KIAA0513: variants seen among roughly 807,000 people sequenced by gnomAD.
KIAA0513 encodes KIAA0513.
KIAA0513 carries 39 observed loss-of-function variants against 56.5 expected under a neutral mutation model. The ratio of observed to expected loss-of-function variants is 0.69; its 90% CI spans 0.53 to 0.90. The LOEUF is 0.90. Among genes scored for constraint, KIAA0513 ranks in the 40% least tolerant of loss-of-function variants. The pLI, the probability that KIAA0513 is intolerant of heterozygous loss-of-function variation, is 0.00. For synonymous variants in KIAA0513, 268 were observed against 215.6 expected, an observed-to-expected ratio of 1.24 and a Z score of -2.13; for missense variants, 591 against 535.2, an observed-to-expected ratio of 1.10 and a Z score of -1.03.
chr16:85,074,945 G>A (rs541766866), intron 4 of KIAA0513, among the ~76,000 whole-genome samples: 9 of 151,600 alleles, frequency 5.9e-5, no homozygotes, highest in Admixed American at 4.6e-4. Flanking sequence ...TATAAGTAAC[G>A]TTGGGGAGGG....
chr16:85,070,355 T>C (rs748704635), intron 2 of KIAA0513, among the ~76,000 whole-genome samples: 5 of 152,100 alleles, frequency 3.3e-5, no homozygotes, highest in Non-Finnish European at 5.9e-5. Flanking sequence ...AGAACCGTTA[T>C]ATGATAATCC....
At chr16:85,075,788 T>A in intron 4 of KIAA0513, 56 bp from the exon 5 acceptor site, 1 of 1,531,878 alleles carries the variant, frequency 6.5e-7, no homozygotes, top group Non-Finnish European at 9.0e-7. Context: ...CTGACCGACT[T>A]GCAGGAAGAA....
chr16:85,037,140 G>A (rs2073046242), intron 1 of KIAA0513, among the ~76,000 whole-genome samples: 1 of 152,110 alleles, frequency 6.6e-6, no homozygotes, highest in Non-Finnish European at 1.5e-5. Flanking sequence ...GCGCCTGGCA[G>A]ACCATCTTCT....
At chr16:85,084,263 G>C (rs1281345116) in intron 10 of KIAA0513, among the ~76,000 whole-genome samples, 1 of 96,230 alleles carries the variant, frequency 1.0e-5, no homozygotes, top group Non-Finnish European at 2.1e-5. Flanking sequence ...TTTTTTTTTT[G>C]AGACAGACTT....
chr16:85,068,575 G>A (rs143755732), intron 2 of KIAA0513, among the ~76,000 whole-genome samples: 2,877 of 150,620 alleles, frequency 0.019, 95 homozygotes, highest in African/African-American at 0.066. Context: ...CTCATGATCC[G>A]CCTGCCTTAG....
At chr16:85,084,427 C>T (rs1182028547) in intron 10 of KIAA0513, among the ~76,000 whole-genome samples, 11 of 93,768 alleles carry the variant, frequency 1.2e-4, no homozygotes, top group Admixed American at 2.6e-4. Context: ...TCTTTTCGTT[C>T]TCTTTTTTTT....
intron 10 of KIAA0513, among the ~76,000 whole-genome samples, chr16:85,085,871 C>T (rs1020090291): frequency 6.6e-6 from 1 of 152,254 alleles, no homozygotes; most frequent in Admixed American, 6.5e-5. Flanking sequence ...TGCCGTCTTA[C>T]TGGGTTTTCA....
chr16:85,043,537 G>T (rs537594256), intron 1 of KIAA0513, among the ~76,000 whole-genome samples: 5 of 148,930 alleles, frequency 3.4e-5, no homozygotes, highest in Non-Finnish European at 7.4e-5. Context: ...ACAGCCTCTT[G>T]AGTAGCTGGG....
At chr16:85,082,139 TG>T (rs1054933457) in intron 9 of KIAA0513, among the ~76,000 whole-genome samples, 10 of 152,170 alleles carry the variant, frequency 6.6e-5, no homozygotes, top group African/African-American at 2.2e-4. Context: ...TGGCTGCTGT[TG>T]GGGGGAAGAC....
Position 85,081,921 on chromosome 16 carries a change from G to A in KIAA0513, c.980+529G>A, listed in dbSNP as rs1408312850. Among the ~76,000 whole-genome samples, 5 of 152,234 alleles carry A rather than the reference G, an allele frequency of 3.3e-5. No homozygotes were observed. Among genetic ancestry groups the A allele is most frequent in the African/African-American group, 7.2e-5 (3 of 41,470 alleles). On this transcript the variant is annotated intron_variant, in intron 9 of 12. Transcript: ENST00000683363. This position sits in a 1 kb window ranked among gnomAD's most constrained non-coding sequence, Gnocchi z 4.4. ...AGGGGCTGGCACCCACCCCACGGGG[G>A]CCGATGCCATAGCAAGCAAAGCTGC...
At chr16:85,054,421 C>CTTTTTTTTTTTTTTTTTTTTT (rs398042273) in intron 1 of KIAA0513, among the ~76,000 whole-genome samples, 35 of 119,548 alleles carry the variant, frequency 2.9e-4, no homozygotes, top group South Asian at 5.5e-4. Flanking sequence ...TTTTTCTTTT[C>CTTTTTTTTTTTTTTTTTTTTT]TTTTTTTTTT....
At chr16:85,079,030 C>A in intron 8 of KIAA0513, 27 bp downstream of exon 8, 1 of 1,614,106 alleles carries the variant, frequency 6.2e-7, no homozygotes, top group African/African-American at 1.3e-5. Flanking sequence ...GGCTTCCCGT[C>A]ACCCTCTTAC....
intron 1 of KIAA0513, among the ~76,000 whole-genome samples, chr16:85,034,885 TC>T (rs1480543983): frequency 2.0e-5 from 3 of 152,170 alleles, no homozygotes; most frequent in Non-Finnish European, 4.4e-5. Context: ...GCAGCCCATC[TC>T]TGGACCTGGG....
At chr16:85,065,840 C>G (rs2073473403) in intron 1 of KIAA0513, among the ~76,000 whole-genome samples, 1 of 152,222 alleles carries the variant, frequency 6.6e-6, no homozygotes, top group Non-Finnish European at 1.5e-5. Flanking sequence ...AACCAGCAGT[C>G]AGGAGACCTG....
Position 85,078,412 on chromosome 16 carries a change from CAG to C in KIAA0513, c.783-2_783-1del. On this transcript the variant is annotated splice_acceptor_variant, in intron 6 of 12. Transcript: ENST00000683363. The stretch of plus-strand genomic sequence containing the variant: ...TGTCATCATTGTGCCTTCTCTCCCT[CAG>C]GGAAGACGAGAACAAACCCCAGGAG... 3.1e-6 allele frequency: 5 copies of C among 1,614,024 alleles called. No homozygotes were observed. Among genetic ancestry groups the C allele is most frequent in the Non-Finnish European group, 4.2e-6 (5 of 1,180,004 alleles).
At chr16:85,067,487 AG>A in intron 2 of KIAA0513, 87 bp downstream of exon 2, 1 of 1,095,384 alleles carries the variant, frequency 9.1e-7, no homozygotes, top group Non-Finnish European at 1.3e-6. Flanking sequence ...GCCTCTCCCC[AG>A]GGTGCCACCT....
In KIAA0513 at chr16:85,067,368, G is replaced by A; in HGVS notation, c.297G>A (p.Met99Ile). Residue 99 changes from methionine (M) to isoleucine (I), a missense_variant, in exon 2 of 13, where the codon ATG becomes ATA. Coordinates refer to ENST00000683363, the MANE Select transcript of KIAA0513 (RefSeq NM_001388359.1). ...DEETLALRDF[M>I]RGYVEKIFSG... The stretch of plus-strand genomic sequence containing the variant: ...AGACCCTGGCACTCAGGGACTTCAT[G>A]CGTGGCTACGTGGAGAAGATCTTCT... The A allele has an allele frequency of 1.2e-6, 2 of 1,606,572 alleles. No homozygotes were observed. Among genetic ancestry groups the A allele is most frequent in the South Asian group, 1.1e-5 (1 of 91,078 alleles).
chr16:85,050,438 C>T lies in KIAA0513; in HGVS notation c.-172-16462C>T, dbSNP rs533625979. ...AATCTCGGCTCACTGCAACCTCCAC[C>T]TCCCGGGTTCAAGCCATTCTCCTGC... On this transcript the variant is annotated intron_variant, in intron 1 of 12. Coordinates refer to ENST00000683363, the MANE Select transcript of KIAA0513 (RefSeq NM_001388359.1). Among the ~76,000 whole-genome samples the T allele has an allele frequency of 5.3e-5, 8 of 151,942 alleles. No homozygotes were observed. In the East Asian group the frequency reaches 1.5e-3, roughly 29 times the overall value.
intron 12 of KIAA0513, 108 bp from the exon 13 acceptor site, chr16:85,088,168 C>A: frequency 1.0e-6 from 1 of 984,682 alleles, no homozygotes; most frequent in Non-Finnish European, 1.6e-6. Flanking sequence ...GAGCTGCAGC[C>A]CTGCTCCCAG....
Sources: allele counts gnomAD v4.1 joint callset (sites outside exome capture counted in the v4.1 genomes callset), GRCh38; gene constraint gnomAD v4.1.1; non-coding constraint Gnocchi (gnomAD v3.1); transcripts MANE v1.5; gene names NCBI Gene and HGNC (gene_info 2026-07-23, HGNC 2026-07-21).